Variants in TRPM3 observed in about 807,000 individuals in gnomAD.
TRPM3 encodes transient receptor potential cation channel subfamily M member 3.
Under a neutral mutation model 181.2 loss-of-function variants are expected in TRPM3, and 77 were observed. That is an observed-to-expected ratio of 0.42 (90% CI 0.35 to 0.51). The LOEUF is 0.51. Ranked by LOEUF, TRPM3 falls within the 20% of genes least tolerant of loss-of-function variation. The pLI is 0.01. For synonymous variants in TRPM3, 745 were observed against 796.4 expected (o/e 0.94, Z 1.09); for missense variants, 1,759 against 2,196.7 (o/e 0.80, Z 3.98).
At chr9:70,861,576 C>T (rs552789989) in intron 3 of TRPM3, among the ~76,000 whole-genome samples, 8 of 152,178 alleles carry the variant, frequency 5.3e-5, no homozygotes, top group Non-Finnish European at 1.2e-4. Context: ...AGGGACAACT[C>T]GCATGACTTT....
chr9:71,017,076 A>C (rs1231589960), intron 1 of TRPM3, among the ~76,000 whole-genome samples: 1 of 152,138 alleles, frequency 6.6e-6, no homozygotes, highest in African/African-American at 2.4e-5. Flanking sequence ...ATACTGTTAA[A>C]AATATTTTCA....
chr9:71,073,607 A>G (rs1197353495), intron 1 of TRPM3, among the ~76,000 whole-genome samples: 1 of 152,138 alleles, frequency 6.6e-6, no homozygotes, highest in Non-Finnish European at 1.5e-5. Flanking sequence ...AGCAAGCTAC[A>G]ATATTCCTCC....
At chr9:70,618,103 C>CTTTT (rs1446744257) in intron 17 of TRPM3, among the ~76,000 whole-genome samples, 2 of 152,110 alleles carry the variant, frequency 1.3e-5, no homozygotes, top group Admixed American at 6.6e-5. Context: ...CTTTCTTTTC[C>CTTTT]TTTTTCAGTT....
intron 22 of TRPM3, among the ~76,000 whole-genome samples, chr9:70,553,670 G>T (rs1018139597): frequency 2.0e-5 from 3 of 152,212 alleles, no homozygotes; most frequent in Non-Finnish European, 4.4e-5. Context: ...CCAGGGAGAA[G>T]AAAGTCCCAC....
At chr9:71,220,182 T>A (rs919333377) in intron 1 of TRPM3, among the ~76,000 whole-genome samples, 1 of 152,194 alleles carries the variant, frequency 6.6e-6, no homozygotes, top group Non-Finnish European at 1.5e-5. Flanking sequence ...AAAGAGTCAA[T>A]TGTAGTTTAT....
At chr9:71,346,206 AATT>A (rs1323099819) in intron 1 of TRPM3, among the ~76,000 whole-genome samples, 1 of 152,238 alleles carries the variant, frequency 6.6e-6, no homozygotes, top group African/African-American at 2.4e-5. Flanking sequence ...AAAAGAAATG[AATT>A]ATTGATGCAT....
At chr9:71,009,720 A>G (rs578074377) in intron 1 of TRPM3, among the ~76,000 whole-genome samples, 1 of 152,308 alleles carries the variant, frequency 6.6e-6, no homozygotes, top group East Asian at 1.9e-4. Flanking sequence ...CTTCACAGAA[A>G]TAGAAAAAAA....
At chr9:71,059,011 A>ATATTTTTTT (rs2060988863) in intron 1 of TRPM3, among the ~76,000 whole-genome samples, 1 of 52,640 alleles carries the variant, frequency 1.9e-5, no homozygotes, top group African/African-American at 7.7e-5. Flanking sequence ...TTGTTTGTTC[A>ATATTTTTTT]TTTTTTTTTT....
chr9:70,803,046 AAAAAAAAAAAAAAC>A (rs1368528836), intron 6 of TRPM3, among the ~76,000 whole-genome samples: 26 of 142,450 alleles, frequency 1.8e-4, no homozygotes, highest in African/African-American at 4.3e-4. Flanking sequence ...AAAAAAAAAA[AAAAAAAAAAAAAAC>A]AAAGGCCCAA....
chr9:71,419,860 T>C (rs944920977), intron 1 of TRPM3, among the ~76,000 whole-genome samples: 1 of 151,916 alleles, frequency 6.6e-6, no homozygotes. Context: ...ATCATAAAAG[T>C]CAGAATAATA....
chr9:70,598,797 C>T (rs1295985164), intron 20 of TRPM3, 127 bp from the exon 21 acceptor site: 45 of 1,163,894 alleles, frequency 3.9e-5, no homozygotes, highest in Non-Finnish European at 5.1e-5. Flanking sequence ...TACTTAAATA[C>T]TTGCATGCTG....
At chr9:70,585,750 G>A (rs1025103151) in intron 22 of TRPM3, among the ~76,000 whole-genome samples, 1 of 152,028 alleles carries the variant, frequency 6.6e-6, no homozygotes, top group Non-Finnish European at 1.5e-5. Context: ...AGCTGCTGCT[G>A]CATTAGAAAT....
rs1197491111 is a variant in TRPM3 at position 71,318,620 on chromosome 9, T to C, written c.183+128033A>G. Among the ~76,000 whole-genome samples, 4 of 152,130 alleles carry C rather than the reference T, an allele frequency of 2.6e-5. No individual in the cohort carries two copies. In the East Asian group the frequency reaches 7.7e-4, roughly 29 times the overall value. ...ATAACTATCTCGCTCTAATGGTAGG[T>C]GCAAAAGTAACTCTTATAAGGCATT... On this transcript the variant is annotated intron_variant, in intron 1 of 24. Transcript: ENST00000357533.
chr9:70,989,400 G>A (rs1409024807), intron 1 of TRPM3, among the ~76,000 whole-genome samples: 1 of 152,138 alleles, frequency 6.6e-6, no homozygotes, highest in Non-Finnish European at 1.5e-5. Flanking sequence ...ATCCTCTACA[G>A]TGAAACAACC....
At chr9:71,267,232 T>C (rs1304370442) in intron 1 of TRPM3, among the ~76,000 whole-genome samples, 3 of 152,296 alleles carry the variant, frequency 2.0e-5, no homozygotes, top group African/African-American at 7.2e-5. Context: ...CCCTCTAAGT[T>C]AACACCCACC....
intron 7 of TRPM3, among the ~76,000 whole-genome samples, chr9:70,765,217 T>C (rs945500411): frequency 5.9e-5 from 9 of 152,202 alleles, no homozygotes; most frequent in African/African-American, 4.8e-5. Flanking sequence ...AAGTCTTTCA[T>C]AGTTTCCTAA....
intron 1 of TRPM3, among the ~76,000 whole-genome samples, chr9:71,138,941 CAT>C (rs2074937244): frequency 6.6e-6 from 1 of 152,134 alleles, no homozygotes; most frequent in Admixed American, 6.6e-5. Context: ...CAAATTCTAA[CAT>C]ATAGCTTGTA....
intron 1 of TRPM3, among the ~76,000 whole-genome samples, chr9:71,196,576 T>C (rs2078380040): frequency 6.6e-6 from 1 of 152,022 alleles, no homozygotes; most frequent in African/African-American, 2.4e-5. Context: ...TGACCTGTTC[T>C]TCTTCTCTCC....
chr9:71,252,591 G>A (rs2132027584), intron 1 of TRPM3, among the ~76,000 whole-genome samples: 1 of 152,230 alleles, frequency 6.6e-6, no homozygotes, highest in East Asian at 1.9e-4. Flanking sequence ...CTGCATTCAG[G>A]GAGCTAAGAG....
Sources: gnomAD v4.1 joint callset for allele counts (sites outside exome capture counted in the v4.1 genomes callset) on GRCh38, gnomAD v4.1.1 for gene constraint, MANE v1.5 for transcripts, NCBI Gene and HGNC (gene_info 2026-07-23, HGNC 2026-07-21) for gene names.